Variants in DOCK2 observed in about 807,000 individuals in gnomAD.
The protein encoded by DOCK2 is dedicator of cytokinesis 2, also known as dedicator of cytokinesis protein 2.
Under a neutral mutation model 248.9 loss-of-function variants are expected in DOCK2, and 87 were observed. The observed-to-expected ratio is 0.35, with a 90% confidence interval of 0.29 to 0.42. The LOEUF (loss-of-function observed/expected upper bound fraction) is 0.42, where lower values mean the gene tolerates loss of function less well. DOCK2 is among the 10% of genes least tolerant of loss of function. The probability of loss-of-function intolerance (pLI) is 1.00; values close to 1 mark genes in which losing one functional copy is unlikely to be tolerated. For missense variants in DOCK2, 1,747 were observed against 2,300.2 expected, an observed-to-expected ratio of 0.76 and a Z score of 4.92; for synonymous variants, 805 against 821.6, an observed-to-expected ratio of 0.98 and a Z score of 0.35.
At chr5:170,081,644 G>T (rs1758036066) in intron 50 of DOCK2, 198 bp from the exon 51 acceptor site, 8 of 633,096 alleles carry the variant, frequency 1.3e-5, no homozygotes. Flanking sequence ...TGTAGGGTGG[G>T]CAATCTTCAC....
chr5:170,035,710 G>A (rs1386228158), intron 35 of DOCK2, among the ~76,000 whole-genome samples: 1 of 152,040 alleles, frequency 6.6e-6, no homozygotes. Context: ...AGGAGGGTGG[G>A]GATGGAGGTG....
chr5:169,797,441 A>G (rs1271642826), intron 25 of DOCK2, among the ~76,000 whole-genome samples: 1 of 152,182 alleles, frequency 6.6e-6, no homozygotes, highest in Admixed American at 6.5e-5. Flanking sequence ...ATAATTGCAA[A>G]AGCACACCAC....
chr5:169,659,121 G>C (rs1043548043), intron 2 of DOCK2, among the ~76,000 whole-genome samples: 2 of 151,340 alleles, frequency 1.3e-5, no homozygotes, highest in Non-Finnish European at 2.9e-5. Flanking sequence ...CAAGTACCTG[G>C]GATTACAGAT....
At chr5:169,683,414 A>G (rs1269497678) in intron 7 of DOCK2, among the ~76,000 whole-genome samples, 1 of 151,762 alleles carries the variant, frequency 6.6e-6, no homozygotes, top group African/African-American at 2.4e-5. Flanking sequence ...TATTTTCTGT[A>G]GAGATGGGTT....
In DOCK2 at chr5:170,079,002, G is replaced by C; in HGVS notation, c.5022G>C (p.Lys1674Asn). 1 of 1,614,160 alleles carries C rather than the reference G, an allele frequency of 6.2e-7. No individual in the cohort carries two copies. ...TTGACCTGGAATTAGCATCACCCAAGACGCCGAGAGTGGAGCAGGAGGAAC... is the reference window on the plus strand; with the variant it reads ...TTGACCTGGAATTAGCATCACCCAACACGCCGAGAGTGGAGCAGGAGGAAC... The part of the protein sequence containing the change: ...ESFDLELASP[K>N]TPRVEQEEPI... Residue 1674 changes from lysine (K) to asparagine (N), a missense_variant, in exon 49 of 52, where the codon AAG becomes AAC. Coordinates refer to ENST00000520908, the MANE Select transcript of DOCK2 (RefSeq NM_004946.3).
chr5:169,689,366 C>T (rs762326867), intron 9 of DOCK2, 33 bp downstream of exon 9: 3 of 1,609,668 alleles, frequency 1.9e-6, no homozygotes, highest in South Asian at 2.2e-5. Context: ...TTACCGTGCT[C>T]CCCAACCACA....
intron 27 of DOCK2, among the ~76,000 whole-genome samples, chr5:169,885,237 G>C (rs933693474): frequency 6.6e-6 from 1 of 152,174 alleles, no homozygotes; most frequent in African/African-American, 2.4e-5. Context: ...TATTTAATGT[G>C]CATCTCCTCC....
chr5:169,888,800 G>A (rs1773120886), intron 27 of DOCK2, among the ~76,000 whole-genome samples: 1 of 152,202 alleles, frequency 6.6e-6, no homozygotes, highest in African/African-American at 2.4e-5. Context: ...TCACTCTTCA[G>A]ATAGAACCCA....
chr5:169,780,173 G>A (rs570629146), intron 25 of DOCK2, among the ~76,000 whole-genome samples: 80 of 152,300 alleles, frequency 5.3e-4, no homozygotes, highest in African/African-American at 1.7e-3. Flanking sequence ...CATCCAGCGT[G>A]AGCCCAGTTT....
chr5:169,786,266 G>A (rs1399379259), intron 25 of DOCK2, among the ~76,000 whole-genome samples: 1 of 152,174 alleles, frequency 6.6e-6, no homozygotes, highest in East Asian at 1.9e-4. Context: ...GGGGCTGCAT[G>A]TGTACTTAAA....
chr5:169,803,224 T>C lies in DOCK2; in HGVS notation c.2703+18T>C, dbSNP rs765337300. ...AGGATGCGGTGAGTCCTCCTGATGA[T>C]GTAGATATCCTGGACTCAGACTAGG... On this transcript the variant is annotated intron_variant, in intron 26 of 51. Coordinates refer to ENST00000520908, the MANE Select transcript of DOCK2 (RefSeq NM_004946.3). 10 of 1,610,054 alleles carry C rather than the reference T, an allele frequency of 6.2e-6. No homozygotes were observed. Among genetic ancestry groups the C allele is most frequent in the Admixed American group, 1.7e-5 (1 of 58,992 alleles).
At chr5:169,819,543 C>T (rs1768287813) in intron 26 of DOCK2, among the ~76,000 whole-genome samples, 1 of 152,072 alleles carries the variant, frequency 6.6e-6, no homozygotes, top group South Asian at 2.1e-4. Flanking sequence ...ATCACTGGGG[C>T]CCAGAAGCTA....
chr5:169,824,190 T>C (rs1055912965), intron 26 of DOCK2, among the ~76,000 whole-genome samples: 7 of 152,062 alleles, frequency 4.6e-5, no homozygotes, highest in Non-Finnish European at 5.9e-5. Context: ...AAAATGGCCA[T>C]ACTGCCCAAG....
rs1326100840 is a variant in DOCK2, at chr5:169,764,758, G to C, written c.2554+3133G>C. Among the ~76,000 whole-genome samples, 2 of 152,100 alleles carry C rather than the reference G, an allele frequency of 1.3e-5. No individual in the cohort carries two copies. The highest frequency in any genetic ancestry group is 4.8e-5 in the African/African-American group (2 of 41,402). ...GTTGCACACAACCCTCAACTACATG[G>C]TTTTCCTCAGGGTCCGAGAGACACA... On this transcript the variant is annotated intron_variant, in intron 25 of 51. Coordinates refer to ENST00000520908, the MANE Select transcript of DOCK2 (RefSeq NM_004946.3). The surrounding 1 kb of genome is among the most constrained non-coding windows in gnomAD (Gnocchi z 4.3).
chr5:169,846,621 CACAT>C (rs1192340219), intron 27 of DOCK2, among the ~76,000 whole-genome samples: 3 of 151,258 alleles, frequency 2.0e-5, no homozygotes, highest in Non-Finnish European at 3.0e-5. Flanking sequence ...CACACACACA[CACAT>C]ATATACACAC....
intron 40 of DOCK2, among the ~76,000 whole-genome samples, chr5:170,047,942 G>A (rs539424503): frequency 1.8e-4 from 27 of 152,298 alleles, no homozygotes; most frequent in African/African-American, 5.3e-4. Flanking sequence ...TAGAGCAGTC[G>A]TTCTCAGGCT....
rs371735044 is a variant in DOCK2, at chr5:169,747,384, A to G, written c.2268-12A>G. ...TTAGCTTGAGAAATGACCCAGATGT[A>G]TCTTGTTTCAGGCTTTATGAAGGCA... On this transcript the variant is annotated splice_polypyrimidine_tract_variant and intron_variant, in intron 22 of 51. Transcript: ENST00000520908. 45 of 1,608,810 alleles carry G rather than the reference A, an allele frequency of 2.8e-5. No individual in the cohort carries two copies. In the African/African-American group the frequency reaches 4.6e-4, roughly 16 times the overall value.
intron 25 of DOCK2, among the ~76,000 whole-genome samples, chr5:169,795,922 C>A (rs1468302776): frequency 6.6e-6 from 1 of 152,164 alleles, no homozygotes; most frequent in Non-Finnish European, 1.5e-5. Context: ...GAGAGTTGAG[C>A]TGAGGAGAAT....
intron 27 of DOCK2, among the ~76,000 whole-genome samples, chr5:169,880,929 C>T (rs1185931330): frequency 6.6e-6 from 1 of 152,186 alleles, no homozygotes; most frequent in Non-Finnish European, 1.5e-5. Flanking sequence ...CAAGTAAGGG[C>T]TTGGCATAGC....
Sources: allele counts gnomAD v4.1 joint callset (sites outside exome capture counted in the v4.1 genomes callset), GRCh38; gene constraint gnomAD v4.1.1; non-coding constraint Gnocchi (gnomAD v3.1); transcripts MANE v1.5; gene names NCBI Gene and HGNC (gene_info 2026-07-23, HGNC 2026-07-21).